Variants in REEP3 observed in about 807,000 individuals in gnomAD.
REEP3 encodes the protein receptor expression-enhancing protein 3.
In REEP3, 20 loss-of-function variants were observed where a neutral mutation model predicts 41.3. The observed-to-expected ratio is 0.48, with a 90% CI of 0.34 to 0.70. REEP3 has a LOEUF of 0.70. REEP3 is among the 30% of genes least tolerant of loss of function. The pLI is 0.01. For synonymous variants in REEP3, 104 were observed against 101.8 expected (o/e 1.02, Z -0.13); for missense variants, 271 against 308.8 (o/e 0.88, Z 0.92).
intron 2 of REEP3, among the ~76,000 whole-genome samples, chr10:63,577,487 C>T (rs1955908107): frequency 6.6e-6 from 1 of 152,058 alleles, no homozygotes; most frequent in African/African-American, 2.4e-5. Flanking sequence ...GCAGTGGTGC[C>T]ATCATAGCTC....
At chr10:63,612,540 C>T (rs1956283990) in intron 6 of REEP3, among the ~76,000 whole-genome samples, 1 of 152,060 alleles carries the variant, frequency 6.6e-6, no homozygotes, top group Non-Finnish European at 1.5e-5. Context: ...CCTGTAATCC[C>T]AGAACTTTGG....
rs1296231844 is a variant in REEP3 at position 63,552,079 on chromosome 10, T to TA, written c.33-14258dup. Among the ~76,000 whole-genome samples, 6 of 152,270 alleles carry TA rather than the reference T, an allele frequency of 3.9e-5. No homozygotes were observed. The East Asian group carries it at 1.2e-3, about 29-fold the overall frequency. ...ATATCTCCTAAATAAGGCATTATCT[T>TA]ATATAGTCACAAGACAAATATCACT... On this transcript the variant is annotated intron_variant, in intron 1 of 7. Coordinates refer to ENST00000373758, the MANE Select transcript of REEP3 (RefSeq NM_001001330.3).
intron 1 of REEP3, among the ~76,000 whole-genome samples, chr10:63,530,336 CTTTA>C (rs1005946179): frequency 2.0e-4 from 31 of 152,106 alleles, no homozygotes; most frequent in South Asian, 8.3e-4. Flanking sequence ...TAGATTTTGT[CTTTA>C]TTTACCATTT....
chr10:63,565,317 A>G (rs955398192), intron 1 of REEP3, among the ~76,000 whole-genome samples: 5 of 152,094 alleles, frequency 3.3e-5, no homozygotes, highest in African/African-American at 1.2e-4. Flanking sequence ...AGGACAAAAA[A>G]CTTCTGTGCC....
At chr10:63,581,978 A>G (rs1282729161) in intron 2 of REEP3, among the ~76,000 whole-genome samples, 1 of 151,882 alleles carries the variant, frequency 6.6e-6, no homozygotes, top group African/African-American at 2.4e-5. Context: ...AGATTATCTC[A>G]CAATACCAAG....
chr10:63,538,450 C>T (rs1432305557), intron 1 of REEP3, among the ~76,000 whole-genome samples: 2 of 151,994 alleles, frequency 1.3e-5, no homozygotes, highest in Non-Finnish European at 2.9e-5. Context: ...ACGAGGAAAA[C>T]GGGCCGGGTG....
chr10:63,602,262 G>A (rs1243526885), intron 5 of REEP3, among the ~76,000 whole-genome samples: 1 of 152,222 alleles, frequency 6.6e-6, no homozygotes, highest in Non-Finnish European at 1.5e-5. Context: ...ATGGGGGAAA[G>A]AGAAGGAAAG....
At chr10:63,553,937 C>G (rs1256129830) in intron 1 of REEP3, among the ~76,000 whole-genome samples, 1 of 152,030 alleles carries the variant, frequency 6.6e-6, no homozygotes, top group Non-Finnish European at 1.5e-5. Context: ...CACGTCTCTA[C>G]TAAAAATACA....
rs1956032408 is a variant in REEP3 at position 63,588,944 on chromosome 10, T to G, written c.106-5834T>G. On this transcript the variant is annotated intron_variant, in intron 2 of 7. Coordinates refer to ENST00000373758, the MANE Select transcript of REEP3 (RefSeq NM_001001330.3). ...CAAAAGGCCTCGAGGCAGGAGCATA[T>G]CAGCACATACCAGGGCCAGTAAAAG... is the stretch of plus-strand genomic sequence containing the variant. 2.6e-5 allele frequency among the ~76,000 whole-genome samples: 4 copies of G among 152,158 alleles called. No individual in the cohort carries two copies. The South Asian group carries it at 8.3e-4, about 32-fold the overall frequency.
intron 1 of REEP3, among the ~76,000 whole-genome samples, chr10:63,554,376 T>G (rs1232505357): frequency 5.3e-5 from 8 of 151,994 alleles, no homozygotes; most frequent in Admixed American, 3.9e-4. Context: ...TCTCAGATAT[T>G]TTTTTTATAT....
intron 1 of REEP3, chr10:63,563,119 G>C (rs1015596353): frequency 1.2e-5 from 5 of 407,622 alleles, no homozygotes; most frequent in Non-Finnish European, 1.9e-5. Flanking sequence ...TTTTGGTCTT[G>C]GGCTTCTAGC....
chr10:63,548,850 T>C (rs1435567147), intron 1 of REEP3, among the ~76,000 whole-genome samples: 1 of 152,214 alleles, frequency 6.6e-6, no homozygotes, highest in Non-Finnish European at 1.5e-5. Flanking sequence ...CTTGATAACA[T>C]GGTCAACCAA....
intron 1 of REEP3, among the ~76,000 whole-genome samples, chr10:63,532,396 T>G (rs1955430789): frequency 6.6e-6 from 1 of 151,970 alleles, no homozygotes; most frequent in South Asian, 2.1e-4. Flanking sequence ...AATAAAGAAA[T>G]AAAGTGCTGT....
At chr10:63,559,345 A>T (rs1051715318) in intron 1 of REEP3, among the ~76,000 whole-genome samples, 37 of 152,302 alleles carry the variant, frequency 2.4e-4, no homozygotes, top group African/African-American at 8.4e-4. Flanking sequence ...TAGAAATACA[A>T]TTCATTTTTC....
In REEP3 at chr10:63,521,564, T is replaced by C; in HGVS notation, c.19T>C (p.Ser7Pro). 7.0e-7 allele frequency: 1 copy of C among 1,430,100 alleles called. No homozygotes were observed. Among genetic ancestry groups the C allele is most frequent in the Non-Finnish European group, 9.3e-7 (1 of 1,080,338 alleles). The allele number at this position is 1,430,100 out of a possible 1,614,324, so 88.6% of individuals were successfully genotyped here. MVSWMI[S>P]RAVVLVFGML... is the part of the protein sequence containing the mutation. ...CGTGAAGATGGTGTCCTGGATGATC[T>C]CCAGAGCCGTGGTGTAAGTGCCTCT... Residue 7 changes from serine (S) to proline (P), a missense_variant, in exon 1 of 8, where the codon TCC (serine) becomes CCC (proline). Physicochemically the swap from Ser to Pro is moderately conservative, Grantham distance 74. Coordinates refer to ENST00000373758, the MANE Select transcript of REEP3 (RefSeq NM_001001330.3).
chr10:63,556,104 C>T (rs893707808), intron 1 of REEP3, among the ~76,000 whole-genome samples: 12 of 151,872 alleles, frequency 7.9e-5, no homozygotes, highest in African/African-American at 2.9e-4. Context: ...TGGGATTCCT[C>T]ATTGAGATTA....
intron 2 of REEP3, among the ~76,000 whole-genome samples, chr10:63,569,243 C>A (rs996886493): frequency 6.6e-6 from 1 of 152,110 alleles, no homozygotes; most frequent in Admixed American, 6.5e-5. Flanking sequence ...AAATGGGAAC[C>A]ATTTCCCTAT....
chr10:63,612,201 G>T lies in REEP3; in HGVS notation c.565+1867G>T, dbSNP rs566893078. On this transcript the variant is annotated intron_variant, in intron 6 of 7. Coordinates refer to ENST00000373758, the MANE Select transcript of REEP3 (RefSeq NM_001001330.3). ...GTTAATTTATTTATTTTGAGACAGG[G>T]TCTCACTCTGTCACCCAGGCTGGAG... Among the ~76,000 whole-genome samples, 14 of 151,892 alleles carry T rather than the reference G, an allele frequency of 9.2e-5. 1 individual carries two copies. In the South Asian group the frequency reaches 2.9e-3, roughly 32 times the overall value.
At chr10:63,563,924 A>G (rs1955770410) in intron 1 of REEP3, among the ~76,000 whole-genome samples, 1 of 152,214 alleles carries the variant, frequency 6.6e-6, no homozygotes, top group South Asian at 2.1e-4. Context: ...ATACTTAACC[A>G]GCACTCCTGA....
Sources: allele counts gnomAD v4.1 joint callset (sites outside exome capture counted in the v4.1 genomes callset), GRCh38; gene constraint gnomAD v4.1.1; transcripts MANE v1.5; gene names NCBI Gene and HGNC (gene_info 2026-07-23, HGNC 2026-07-21).